The following SLC26A2 variants were observed in gnomAD, a reference collection of about 807,000 sequenced individuals.
The protein encoded by SLC26A2 is sulfate transporter.
SLC26A2 carries 36 observed loss-of-function variants against 41.1 expected under a neutral mutation model. That is an observed-to-expected ratio of 0.88 (90% CI 0.67 to 1.16). The LOEUF is 1.16. Ranked by LOEUF, SLC26A2 falls within the 50% of genes most tolerant of loss-of-function variation. The probability of loss-of-function intolerance (pLI) is 0.00; values close to 1 mark genes in which losing one functional copy is unlikely to be tolerated. For synonymous variants in SLC26A2, 291 were observed against 311.6 expected, an observed-to-expected ratio of 0.93 and a Z score of 0.70; for missense variants, 796 against 869.6, an observed-to-expected ratio of 0.92 and a Z score of 1.07.
chr5:149,980,838 C>A lies in SLC26A2; in HGVS notation c.1245C>A (p.Asn415Lys). ...AKKHGYTVKA[N>K]QEMYAIGFCN... ...AACATGGTTACACAGTCAAAGCAAA[C>A]CAGGAAATGTATGCCATTGGCTTTT... Residue 415 changes from asparagine to lysine, a missense_variant, in exon 3 of 3, where the codon AAC (asparagine) becomes AAA (lysine). Physicochemically the swap from Asn to Lys is moderately conservative, Grantham distance 94. Coordinates refer to ENST00000286298, the MANE Select transcript of SLC26A2 (RefSeq NM_000112.4). 6.2e-7 allele frequency: 1 copy of A among 1,614,058 alleles called. No homozygotes were observed. The highest frequency in any genetic ancestry group is 1.3e-5 in the African/African-American group (1 of 75,028).
chr5:149,966,604 AT>A (rs531249868), intron 1 of SLC26A2, among the ~76,000 whole-genome samples: 78 of 149,784 alleles, frequency 5.2e-4, no homozygotes, highest in Non-Finnish European at 8.6e-4. Flanking sequence ...CAATTTCTGA[AT>A]TTTTTTTTTT....
Position 149,981,033 on chromosome 5 carries a change from A to G in SLC26A2, c.1440A>G (p.Lys480=). 6.2e-7 allele frequency: 1 copy of G among 1,614,132 alleles called. No homozygotes were observed. Among genetic ancestry groups the G allele is most frequent in the Non-Finnish European group, 8.5e-7 (1 of 1,180,020 alleles). Residue 480 remains lysine, a synonymous_variant, in exon 3 of 3, where the codon AAA becomes AAG. Coordinates refer to ENST00000286298, the MANE Select transcript of SLC26A2 (RefSeq NM_000112.4). ...VIAPLFYSLQ[K]SVLGVITIVN... ...CTCCTTTGTTCTATTCCCTTCAAAA[A>G]AGTGTCCTTGGTGTGATCACAATTG...
Position 149,978,203 on chromosome 5 carries a change from G to T in SLC26A2, c.551G>T (p.Gly184Val), listed in dbSNP as rs781435231. ...ETVDRELQKA[G>V]YDNAHSAPSL... Reference sequence around the variant, plus strand: ...GTTGACCGAGAACTACAGAAAGCTGGCTATGACAATGCCCATAGTGCTCCT... The same window carrying T: ...GTTGACCGAGAACTACAGAAAGCTGTCTATGACAATGCCCATAGTGCTCCT... The change falls in exon 2 of 3, where the codon GGC becomes GTC. Residue 184 changes from glycine (G) to valine (V), a missense_variant. By Grantham distance (109) the Gly-to-Val change is moderately radical. Transcript: ENST00000286298. 6.2e-7 allele frequency: 1 copy of T among 1,614,054 alleles called. No individual in the cohort carries two copies. Among genetic ancestry groups the T allele is most frequent in the Non-Finnish European group, 8.5e-7 (1 of 1,179,956 alleles).
chr5:149,963,338 G>T (rs973302162), intron 1 of SLC26A2, among the ~76,000 whole-genome samples: 1 of 151,550 alleles, frequency 6.6e-6, no homozygotes, highest in African/African-American at 2.4e-5. Flanking sequence ...GAGTGCAGTG[G>T]CGTGATCTTG....
intron 1 of SLC26A2, among the ~76,000 whole-genome samples, chr5:149,969,931 C>T (rs1754874425): frequency 6.6e-6 from 1 of 152,186 alleles, no homozygotes; most frequent in African/African-American, 2.4e-5. Context: ...CTGTTTAAAA[C>T]TCTGTCTTAA....
rs1755020721 is a variant in SLC26A2, at chr5:149,977,898, A to G, written c.246A>G (p.Pro82=). The change falls in exon 2 of 3, where the codon CCA becomes CCG. Residue 82 remains proline (P), a synonymous_variant. Coordinates refer to ENST00000286298, the MANE Select transcript of SLC26A2 (RefSeq NM_000112.4). The part of the protein sequence containing the change: ...KKLQKNCQCS[P]AKAKNMILGF... ...TGCAGAAGAATTGCCAGTGCAGTCCAGCCAAAGCCAAAAATATGATTTTAG... is the reference window on the plus strand; with the variant it reads ...TGCAGAAGAATTGCCAGTGCAGTCCGGCCAAAGCCAAAAATATGATTTTAG... 6.2e-7 allele frequency: 1 copy of G among 1,614,256 alleles called. No homozygotes were observed.
Position 149,981,700 on chromosome 5 carries a change from G to A in SLC26A2, c.2107G>A (p.Glu703Lys). The A allele has an allele frequency of 6.2e-7, 1 of 1,611,358 alleles. No individual in the cohort carries two copies. Among genetic ancestry groups the A allele is most frequent in the South Asian group, 1.1e-5 (1 of 90,672 alleles). The part of the protein sequence containing the change: ...SLTNGEYCKK[E>K]EENLLFYSVY... ...AACCAACGGAGAATATTGCAAAAAG[G>A]AAGAAGAAAACCTTCTCTTCTATAG... The change falls in exon 3 of 3, where the codon GAA (glutamate) becomes AAA (lysine). Residue 703 changes from glutamate to lysine, a missense_variant. Physicochemically the swap from Glu to Lys is moderately conservative, Grantham distance 56 (BLOSUM62 1). Transcript: ENST00000286298.
chr5:149,973,814 A>G (rs1003895133), intron 1 of SLC26A2, among the ~76,000 whole-genome samples: 5 of 151,964 alleles, frequency 3.3e-5, no homozygotes, highest in Non-Finnish European at 7.4e-5. Flanking sequence ...ATCTTTTAAA[A>G]TATTTTTTCT....
At chr5:149,964,810 A>G (rs1404490381) in intron 1 of SLC26A2, among the ~76,000 whole-genome samples, 1 of 152,144 alleles carries the variant, frequency 6.6e-6, no homozygotes, top group Non-Finnish European at 1.5e-5. Context: ...ATGTAGGTTC[A>G]ATATTAGAGG....
Position 149,985,255 on chromosome 5 carries a change from G to GA in SLC26A2, c.*3443dup, listed in dbSNP as rs1755179930. On this transcript the variant is annotated 3_prime_UTR_variant, in exon 3 of 3. Coordinates refer to ENST00000286298, the MANE Select transcript of SLC26A2 (RefSeq NM_000112.4). ...GAGCACGGTGTCTTCCTTCTAAACT[G>GA]AGTGACTGTAGTACTATCTGTGCCT... 6.6e-6 allele frequency: 1 copy of GA among 152,146 alleles called. No homozygotes were observed. Among genetic ancestry groups the GA allele is most frequent in the Non-Finnish European group, 1.5e-5 (1 of 68,024 alleles). 9.4% of individuals were successfully genotyped at this position (152,146 alleles called of 1,614,324 possible). A position where few individuals can be genotyped will look rare whatever the true frequency, so the allele number is the denominator to read the frequency against.
rs1317914870 is a variant in SLC26A2, at chr5:149,982,290, C to T, written c.*477C>T. The T allele has an allele frequency of 6.5e-6, 1 of 154,746 alleles. No homozygotes were observed. The highest frequency in any genetic ancestry group is 1.4e-5 in the Non-Finnish European group (1 of 69,794). The allele number at this position is 154,746 out of a possible 1,614,324, so 9.6% of individuals were successfully genotyped here. On this transcript the variant is annotated 3_prime_UTR_variant, in exon 3 of 3. Coordinates refer to ENST00000286298, the MANE Select transcript of SLC26A2 (RefSeq NM_000112.4). ...AGGCTTCTGGATCACAAAGTCATAACTAGACAGGTTTGTTCTTGTAGTTTT... is the reference window on the plus strand; with the variant it reads ...AGGCTTCTGGATCACAAAGTCATAATTAGACAGGTTTGTTCTTGTAGTTTT...
chr5:149,974,677 C>G (rs1754961740), intron 1 of SLC26A2, among the ~76,000 whole-genome samples: 1 of 150,726 alleles, frequency 6.6e-6, no homozygotes, highest in Non-Finnish European at 1.5e-5. Context: ...CCTGCCTTGG[C>G]CTCCGGAAGT....
chr5:149,981,625 G>A lies in SLC26A2; in HGVS notation c.2032G>A (p.Gly678Arg). The A allele has an allele frequency of 6.2e-7, 1 of 1,614,098 alleles. No homozygotes were observed. The change falls in exon 3 of 3, where the codon GGA (glycine) becomes AGA (arginine). Residue 678 changes from glycine to arginine, a missense_variant. Transcript: ENST00000286298. ...KEVRRDYEAI[G>R]IQVLLAQCNP... ...AGTTCGCAGAGATTATGAAGCCATT[G>A]GAATCCAGGTTCTGCTGGCTCAGTG...
intron 1 of SLC26A2, among the ~76,000 whole-genome samples, chr5:149,971,327 T>A (rs1483358663): frequency 2.0e-5 from 3 of 152,172 alleles, no homozygotes; most frequent in African/African-American, 4.8e-5. Flanking sequence ...CAACAGTGAG[T>A]TAGAGGATCC....
chr5:149,964,362 G>A (rs926697076), intron 1 of SLC26A2, among the ~76,000 whole-genome samples: 1 of 152,052 alleles, frequency 6.6e-6, no homozygotes, highest in Non-Finnish European at 1.5e-5. Context: ...GCATGGTGGC[G>A]TGCACTTGTG....
At chr5:149,961,006 A>C (rs1287488954) in intron 1 of SLC26A2, 27 bp downstream of exon 1, 2 of 152,392 alleles carry the variant, frequency 1.3e-5, no homozygotes, top group African/African-American at 4.8e-5. Context: ...GGACCAGGGA[A>C]GAGGGAGGGA....
intron 1 of SLC26A2, among the ~76,000 whole-genome samples, chr5:149,965,081 A>G (rs1754783550): frequency 6.6e-6 from 1 of 152,202 alleles, no homozygotes. Context: ...TCCATGTATC[A>G]TTCTTTCAAC....
chr5:149,980,329 G>C lies in SLC26A2; in HGVS notation c.736G>C (p.Val246Leu), dbSNP rs1197895795. 4 of 1,613,900 alleles carry C rather than the reference G, an allele frequency of 2.5e-6. No individual in the cohort carries two copies. Among genetic ancestry groups the C allele is most frequent in the African/African-American group, 2.7e-5 (2 of 74,872 alleles). Residue 246 changes from valine (V) to leucine (L), a missense_variant, in exon 3 of 3, where the codon GTC becomes CTC. Coordinates refer to ENST00000286298, the MANE Select transcript of SLC26A2 (RefSeq NM_000112.4). ...CTTCTTTCAAGTGGGTTTTGTTTCT[G>C]TCTACCTCTCAGATGCCTTGCTGAG... Reference protein sequence around the residue: ...MGFFQVGFVSVYLSDALLSGF... With the variant: ...MGFFQVGFVSLYLSDALLSGF...
Position 149,978,068 on chromosome 5 carries a change from A to G in SLC26A2, c.416A>G (p.Tyr139Cys), listed in dbSNP as rs1172010266. The G allele has an allele frequency of 3.1e-6, 5 of 1,612,510 alleles. No homozygotes were observed. The highest frequency in any genetic ancestry group is 3.4e-6 in the Non-Finnish European group (4 of 1,179,182). ...YSLLAGQEPV[Y>C]GLYTSFFASI... is the part of the protein sequence containing the mutation. ...CTGCTGGCTGGCCAAGAACCTGTCTATGGTCTGTACACATCTTTTTTTGCC... is the reference window on the plus strand; with the variant it reads ...CTGCTGGCTGGCCAAGAACCTGTCTGTGGTCTGTACACATCTTTTTTTGCC... Residue 139 changes from tyrosine (Y) to cysteine (C), a missense_variant, in exon 2 of 3, where the codon TAT becomes TGT. Coordinates refer to ENST00000286298, the MANE Select transcript of SLC26A2 (RefSeq NM_000112.4).
Sources: allele counts gnomAD v4.1 joint callset (sites outside exome capture counted in the v4.1 genomes callset), GRCh38; gene constraint gnomAD v4.1.1; transcripts MANE v1.5; gene names NCBI Gene and HGNC (gene_info 2026-07-23, HGNC 2026-07-21).